STPG2: variants seen among roughly 807,000 people sequenced by gnomAD.
The protein encoded by STPG2 is sperm tail PG-rich repeat containing 2, also known as sperm-tail PG-rich repeat-containing protein 2.
Under a neutral mutation model 54.2 loss-of-function variants are expected in STPG2, and 56 were observed. The observed-to-expected ratio is 1.03, with a 90% CI of 0.83 to 1.29. The LOEUF (loss-of-function observed/expected upper bound fraction) is 1.29. Among genes scored for constraint, STPG2 ranks in the 50% most tolerant of loss-of-function variants. STPG2 has a pLI of 0.00. For synonymous variants in STPG2, 200 were observed against 181.8 expected, an observed-to-expected ratio of 1.10 and a Z score of -0.81; for missense variants, 596 against 544.9, an observed-to-expected ratio of 1.09 and a Z score of -0.93.
intron 10 of STPG2, among the ~76,000 whole-genome samples, chr4:97,574,769 C>T (rs954531278): frequency 3.3e-5 from 5 of 152,028 alleles, no homozygotes; most frequent in South Asian, 2.1e-4. Context: ...AACTTTCTTT[C>T]GGGTTAAATG....
intron 10 of STPG2, among the ~76,000 whole-genome samples, chr4:97,643,917 A>G (rs139458319): frequency 1.3e-4 from 20 of 151,996 alleles, no homozygotes; most frequent in African/African-American, 4.8e-4. Context: ...GGGAATCACC[A>G]GGAAATAAGT....
intron 10 of STPG2, among the ~76,000 whole-genome samples, chr4:97,627,756 C>A (rs1187016725): frequency 1.3e-5 from 2 of 151,866 alleles, no homozygotes; most frequent in African/African-American, 4.8e-5. Flanking sequence ...GTAAATGATT[C>A]GTTATAAGGA....
At chr4:98,000,288 T>C (rs1318904265) in intron 5 of STPG2, among the ~76,000 whole-genome samples, 1 of 152,124 alleles carries the variant, frequency 6.6e-6, no homozygotes, top group Non-Finnish European at 1.5e-5. Context: ...AACAAACTTA[T>C]AAGCAACTTA....
In STPG2 at chr4:97,712,727, T is replaced by G. The variant is rs780942724; in HGVS notation, c.1292A>C (p.Glu431Ala). Residue 431 changes from glutamate (E) to alanine (A), a missense_variant, in exon 10 of 11, where the codon GAG becomes GCG. By Grantham distance (107) the Glu-to-Ala change is moderately radical. Coordinates refer to ENST00000295268, the MANE Select transcript of STPG2 (RefSeq NM_174952.3). ...KASKRFEESK[E>A]ITPGPATYEI... Reference sequence around the variant, plus strand: ...ATATGTTGCTGGGCCTGGAGTAATCTCTTTGGACTCTTCAAAGCGCTTTGA... The same window carrying G: ...ATATGTTGCTGGGCCTGGAGTAATCGCTTTGGACTCTTCAAAGCGCTTTGA... 38 of 1,605,110 alleles carry G rather than the reference T, an allele frequency of 2.4e-5. No individual in the cohort carries two copies. The East Asian group carries it at 7.2e-4, about 30-fold the overall frequency.
At chr4:97,469,945 G>T (rs1000718612) in intron 4 of STPG2, among the ~76,000 whole-genome samples, 8 of 152,076 alleles carry the variant, frequency 5.3e-5, no homozygotes, top group Admixed American at 3.9e-4. Context: ...CAATTAAAGA[G>T]ATTTTAATTT....
intron 5 of STPG2, among the ~76,000 whole-genome samples, chr4:98,018,973 G>A (rs1210280050): frequency 1.3e-5 from 2 of 151,768 alleles, no homozygotes; most frequent in Admixed American, 1.3e-4. Flanking sequence ...TAGGTTGCCT[G>A]TTCACTCTGA....
At chr4:97,961,770 T>C (rs1239109644) in intron 7 of STPG2, among the ~76,000 whole-genome samples, 1 of 152,166 alleles carries the variant, frequency 6.6e-6, no homozygotes, top group Non-Finnish European at 1.5e-5. Context: ...GAACGTAAAC[T>C]AGTACAACCA....
chr4:97,805,800 C>T (rs966331827), intron 9 of STPG2, among the ~76,000 whole-genome samples: 2 of 149,674 alleles, frequency 1.3e-5, no homozygotes, highest in African/African-American at 4.9e-5. Flanking sequence ...TAATGAGATA[C>T]CATCACACAC....
chr4:97,784,507 T>C lies in STPG2; in HGVS notation c.1204+56266A>G, dbSNP rs1215069852. Among the ~76,000 whole-genome samples the C allele has an allele frequency of 2.6e-5, 4 of 151,916 alleles. No homozygotes were observed. In the East Asian group the frequency reaches 5.8e-4, roughly 22 times the overall value. On this transcript the variant is annotated intron_variant, in intron 9 of 10. Coordinates refer to ENST00000295268, the MANE Select transcript of STPG2 (RefSeq NM_174952.3). ...AGGGAATTAAGACACCAAGATACAG[T>C]GCCAAAAAAACTTTCCTTCGTCATT... is the stretch of plus-strand genomic sequence containing the variant.
At chr4:97,850,589 T>C (rs1729127239) in intron 8 of STPG2, among the ~76,000 whole-genome samples, 1 of 151,594 alleles carries the variant, frequency 6.6e-6, no homozygotes, top group African/African-American at 2.4e-5. Flanking sequence ...ATATTTCTGA[T>C]CCTCCATTAA....
Position 97,801,198 on chromosome 4 carries a change from C to T in STPG2, c.1204+39575G>A, listed in dbSNP as rs182669749. ...GGCTGCACCCACTGTCCTGCACCCA[C>T]CGTCCAGCAAGCCCCAGTGAGATGA... is the stretch of plus-strand genomic sequence containing the variant. On this transcript the variant is annotated intron_variant, in intron 9 of 10. Transcript: ENST00000295268. Among the ~76,000 whole-genome samples, 5 of 152,304 alleles carry T rather than the reference C, an allele frequency of 3.3e-5. No homozygotes were observed. In the East Asian group the frequency reaches 7.7e-4, roughly 24 times the overall value.
chr4:97,610,244 T>C (rs1215538871), intron 10 of STPG2, among the ~76,000 whole-genome samples: 1 of 152,070 alleles, frequency 6.6e-6, no homozygotes, highest in African/African-American at 2.4e-5. Context: ...ATGTAGCCAC[T>C]AAGTGGAATC....
chr4:97,936,773 G>A (rs1000269090), intron 8 of STPG2, among the ~76,000 whole-genome samples: 6 of 152,150 alleles, frequency 3.9e-5, no homozygotes, highest in Non-Finnish European at 8.8e-5. Flanking sequence ...GCTTCCCTTT[G>A]TAGGTGACCT....
intron 10 of STPG2, among the ~76,000 whole-genome samples, chr4:97,559,633 A>T (rs1732171505): frequency 6.6e-6 from 1 of 152,156 alleles, no homozygotes; most frequent in Non-Finnish European, 1.5e-5. Flanking sequence ...GACTTCACTG[A>T]CCTTTGTCCT....
intron 4 of STPG2, among the ~76,000 whole-genome samples, chr4:97,474,606 G>A (rs1453352346): frequency 6.6e-6 from 1 of 152,160 alleles, no homozygotes; most frequent in African/African-American, 2.4e-5. Flanking sequence ...TACAGGGAAG[G>A]AGGAAGTTTA....
chr4:97,675,476 T>C (rs1407732551), intron 10 of STPG2, among the ~76,000 whole-genome samples: 1 of 152,074 alleles, frequency 6.6e-6, no homozygotes, highest in Non-Finnish European at 1.5e-5. Context: ...AGAAAAAAAC[T>C]CTGTATTCCC....
chr4:97,455,659 G>A (rs1729497107), intron 4 of STPG2, among the ~76,000 whole-genome samples: 1 of 152,166 alleles, frequency 6.6e-6, no homozygotes, highest in South Asian at 2.1e-4. Context: ...AAGCTCACAT[G>A]TGATATAATT....
intron 5 of STPG2, among the ~76,000 whole-genome samples, chr4:98,002,639 A>C (rs116488032): frequency 6.6e-6 from 1 of 152,202 alleles, no homozygotes; most frequent in African/African-American, 2.4e-5. Flanking sequence ...TATGGATTTC[A>C]TATGGATGTA....
intron 8 of STPG2, among the ~76,000 whole-genome samples, chr4:97,932,902 C>G (rs1227802711): frequency 6.6e-6 from 1 of 152,096 alleles, no homozygotes; most frequent in Non-Finnish European, 1.5e-5. Context: ...ATTGCTGGAT[C>G]AATTGGTATT....
Sources: allele counts gnomAD v4.1 joint callset (sites outside exome capture counted in the v4.1 genomes callset), GRCh38; gene constraint gnomAD v4.1.1; transcripts MANE v1.5; gene names NCBI Gene and HGNC (gene_info 2026-07-23, HGNC 2026-07-21).